ETV5: variants seen among roughly 807,000 people sequenced by gnomAD.
ETV5 encodes the protein ETS variant transcription factor 5.
Under a neutral mutation model 70.0 loss-of-function variants are expected in ETV5, and 10 were observed. That is an observed-to-expected ratio of 0.14 (90% CI 0.09 to 0.24). The LOEUF is 0.24. Ranked by LOEUF, ETV5 falls within the 10% of genes least tolerant of loss-of-function variation. ETV5 has a pLI of 1.00. For missense variants in ETV5, 453 were observed against 651.2 expected, an observed-to-expected ratio of 0.70 and a Z score of 3.31; for synonymous variants, 216 against 242.2, an observed-to-expected ratio of 0.89 and a Z score of 1.01.
At position 186,048,686 on chromosome 3, in the gene ETV5, T is replaced by C. The variant is rs773840485; in HGVS notation, c.1486A>G (p.Met496Val). Residue 496 changes from methionine to valine, a missense_variant, in exon 13 of 13, where the codon ATG (methionine) becomes GTG (valine). Around this residue, in one of 4 missense-constraint regions of ETV5, gnomAD observed 74 missense variants for 95.2 expected, o/e 0.78. Transcript: ENST00000306376. The part of the protein sequence containing the change: ...FEDSPAYLLD[M>V]DRCSSLPYAE... ...TAGGGGAGGCTGCTGCAGCGGTCCATGTCCAGGAGGTAAGCGGGGCTGTCT... is the reference window on the plus strand; with the variant it reads ...TAGGGGAGGCTGCTGCAGCGGTCCACGTCCAGGAGGTAAGCGGGGCTGTCT... 1.2e-6 allele frequency: 2 copies of C among 1,614,162 alleles called. No individual in the cohort carries two copies. The highest frequency in any genetic ancestry group is 3.3e-5 in the Admixed American group (2 of 60,022).
At chr3:186,087,760 T>C (rs1023051378) in intron 5 of ETV5, among the ~76,000 whole-genome samples, 3 of 152,110 alleles carry the variant, frequency 2.0e-5, no homozygotes, top group African/African-American at 7.2e-5. Flanking sequence ...TAAACTTCAC[T>C]ATTACAGCCC....
Position 186,057,019 on chromosome 3 carries a change from A to G in ETV5, c.1209+56T>C. On this transcript the variant is annotated intron_variant, in intron 11 of 12. Coordinates refer to ENST00000306376, the MANE Select transcript of ETV5 (RefSeq NM_004454.3). The surrounding 1 kb of genome is among the most constrained non-coding windows in gnomAD (Gnocchi z 4.9). Reference sequence around the variant, plus strand: ...AGCCTCAATGGAAATCTAAACAAAAAACATCATCAACAACAACAAATCAAA... The same window carrying G: ...AGCCTCAATGGAAATCTAAACAAAAGACATCATCAACAACAACAAATCAAA... 6.3e-7 allele frequency: 1 copy of G among 1,579,696 alleles called. No individual in the cohort carries two copies. Among genetic ancestry groups the G allele is most frequent in the Non-Finnish European group, 8.6e-7 (1 of 1,158,208 alleles).
chr3:186,079,358 C>G (rs1481120056), intron 7 of ETV5: 2 of 230,722 alleles, frequency 8.7e-6, no homozygotes, highest in Non-Finnish European at 1.7e-5. Flanking sequence ...AGCTAATCTC[C>G]TACTGTTAAA....
chr3:186,108,761 C>G (rs1002389713), intron 1 of ETV5, 179 bp downstream of exon 1: 11 of 750,864 alleles, frequency 1.5e-5, no homozygotes, highest in African/African-American at 1.9e-5. Flanking sequence ...CTCCCAGGAA[C>G]CAAACCGGAC....
chr3:186,094,266 A>C (rs1421512729), intron 5 of ETV5, among the ~76,000 whole-genome samples: 2 of 152,194 alleles, frequency 1.3e-5, no homozygotes, highest in Non-Finnish European at 1.5e-5. Flanking sequence ...TAAAGTACTA[A>C]ATCAGCAATG....
chr3:186,088,291 T>G (rs1714104363), intron 5 of ETV5, among the ~76,000 whole-genome samples: 1 of 152,228 alleles, frequency 6.6e-6, no homozygotes, highest in African/African-American at 2.4e-5. Flanking sequence ...GAATGGCGTG[T>G]CCATGAGGCT....
At chr3:186,080,244 C>G (rs925826176) in intron 6 of ETV5, 140 bp from the exon 7 acceptor site, 1 of 590,594 alleles carries the variant, frequency 1.7e-6, no homozygotes. Flanking sequence ...CTCGTAGCCC[C>G]GAGGGGATAT....
chr3:186,097,217 T>C (rs1453448902), intron 5 of ETV5, among the ~76,000 whole-genome samples: 1 of 149,600 alleles, frequency 6.7e-6, no homozygotes, highest in African/African-American at 2.5e-5. Context: ...ACAGCCATAG[T>C]GAGGTTCCCC....
intron 6 of ETV5, 38 bp from the exon 7 acceptor site, chr3:186,080,142 A>C (rs1713897143): frequency 6.9e-7 from 1 of 1,445,746 alleles, no homozygotes; most frequent in South Asian, 1.6e-5. Context: ...TTAAGCTGAA[A>C]TGAAGCCATT....
rs755302851 is a variant in ETV5 at position 186,105,795 on chromosome 3, A to G, written c.45+29T>C. 6.2e-7 allele frequency: 1 copy of G among 1,612,478 alleles called. No homozygotes were observed. Among genetic ancestry groups the G allele is most frequent in the South Asian group, 1.1e-5 (1 of 91,036 alleles). On this transcript the variant is annotated intron_variant, in intron 2 of 12. Coordinates refer to ENST00000306376, the MANE Select transcript of ETV5 (RefSeq NM_004454.3). This position sits in a 1 kb window ranked among gnomAD's most constrained non-coding sequence, Gnocchi z 4.5. ...AAGACTCATATTGGAGAGGGAGGAC[A>G]AAACAAACCAAAAGCCACATAAACT...
At chr3:186,080,183 G>T (rs1713898641) in intron 6 of ETV5, 79 bp from the exon 7 acceptor site, 1 of 1,222,122 alleles carries the variant, frequency 8.2e-7, no homozygotes, top group Non-Finnish European at 1.1e-6. Context: ...CAGAAAGCTA[G>T]TTTGCAGCCC....
At chr3:186,067,547 G>T (rs759442729) in intron 7 of ETV5, among the ~76,000 whole-genome samples, 18 of 152,114 alleles carry the variant, frequency 1.2e-4, no homozygotes, top group Non-Finnish European at 2.5e-4. Context: ...AGGAGGTGAA[G>T]GTTGCAGTGA....
chr3:186,067,714 C>T (rs753015018), intron 7 of ETV5, among the ~76,000 whole-genome samples: 3 of 152,000 alleles, frequency 2.0e-5, no homozygotes, highest in Non-Finnish European at 4.4e-5. Context: ...CAGCAGAAAT[C>T]ATCAAGATAA....
intron 9 of ETV5, among the ~76,000 whole-genome samples, chr3:186,062,494 C>T (rs534085788): frequency 4.2e-4 from 64 of 152,154 alleles, no homozygotes; most frequent in African/African-American, 2.9e-4. Context: ...TGGTGGCGCG[C>T]GCCTGTAATT....
chr3:186,063,707 G>A lies in ETV5; in HGVS notation c.970+710C>T, dbSNP rs190118313. On this transcript the variant is annotated intron_variant, in intron 9 of 12. Coordinates refer to ENST00000306376, the MANE Select transcript of ETV5 (RefSeq NM_004454.3). The stretch of plus-strand genomic sequence containing the variant: ...AAAAATCCAATGAGAAAACATTTGT[G>A]TCCTTCAATAATGCATTTTGTACAT... Among the ~76,000 whole-genome samples, 8 of 152,184 alleles carry A rather than the reference G, an allele frequency of 5.3e-5. No individual in the cohort carries two copies. In the East Asian group the frequency reaches 1.4e-3, roughly 26 times the overall value.
intron 5 of ETV5, among the ~76,000 whole-genome samples, chr3:186,086,872 G>A (rs533464524): frequency 1.2e-4 from 19 of 152,042 alleles, no homozygotes; most frequent in Non-Finnish European, 2.6e-4. Context: ...GAGGTAGGGT[G>A]AGGTGGGCGG....
At chr3:186,083,891 T>C (rs1713992016) in intron 5 of ETV5, among the ~76,000 whole-genome samples, 1 of 152,076 alleles carries the variant, frequency 6.6e-6, no homozygotes, top group South Asian at 2.1e-4. Flanking sequence ...TGAGGGGCCC[T>C]GTGAGTGGTG....
At chr3:186,070,598 C>T (rs1253179418) in intron 7 of ETV5, among the ~76,000 whole-genome samples, 2 of 152,214 alleles carry the variant, frequency 1.3e-5, no homozygotes, top group African/African-American at 2.4e-5. Flanking sequence ...ACAAAGCCAA[C>T]ATATTTGGAA....
At position 186,048,631 on chromosome 3, in the gene ETV5, T is replaced by C; in HGVS notation, c.*8A>G. On this transcript the variant is annotated 3_prime_UTR_variant, in exon 13 of 13. Coordinates refer to ENST00000306376, the MANE Select transcript of ETV5 (RefSeq NM_004454.3). ...CTCTAGGGTTTGGCCACTCCGCCAC[T>C]CAGAAACTTAGTAAGCAAAGCCTTC... The C allele has an allele frequency of 6.2e-7, 1 of 1,613,774 alleles. No homozygotes were observed. Among genetic ancestry groups the C allele is most frequent in the Non-Finnish European group, 8.5e-7 (1 of 1,179,720 alleles).
Sources: allele counts gnomAD v4.1 joint callset (sites outside exome capture counted in the v4.1 genomes callset), GRCh38; gene constraint gnomAD v4.1.1; regional missense constraint gnomAD v4.1.1; non-coding constraint Gnocchi (gnomAD v3.1); transcripts MANE v1.5; gene names NCBI Gene and HGNC (gene_info 2026-07-23, HGNC 2026-07-21).